The following CYTH1 variants were observed in gnomAD, a reference collection of about 807,000 sequenced individuals.
CYTH1 encodes the protein cytohesin 1, also known as cytohesin-1.
CYTH1 carries 18 observed loss-of-function variants against 61.8 expected under a neutral mutation model. The ratio of observed to expected loss-of-function variants is 0.29; its 90% CI spans 0.20 to 0.43. CYTH1 has a LOEUF of 0.43. CYTH1 is among the 20% of genes least tolerant of loss of function. The pLI is 1.00. For synonymous variants in CYTH1, 174 were observed against 184.3 expected, an observed-to-expected ratio of 0.94 and a Z score of 0.45; for missense variants, 336 against 510.5, an observed-to-expected ratio of 0.66 and a Z score of 3.29.
chr17:78,681,837 CA>C (rs35074589), intron 11 of CYTH1, among the ~76,000 whole-genome samples: 45 of 72,510 alleles, frequency 6.2e-4, no homozygotes, highest in East Asian at 1.4e-3. Flanking sequence ...GACTCTGTCT[CA>C]AAAAAAAAAA....
At chr17:78,692,640 A>C in intron 10 of CYTH1, 147 bp from the exon 11 acceptor site, 2 of 669,808 alleles carry the variant, frequency 3.0e-6, no homozygotes, top group African/African-American at 1.8e-5. Context: ...CATCAGTAAC[A>C]AGACACAGAG....
rs371343880 is a variant in CYTH1 at position 78,700,395 on chromosome 17, G to A, written c.486C>T (p.Asp162=). Reference sequence around the variant, plus strand: ...GCTGGGCAAACGCCTCCATCATCCGGTCGATCTTCTGGGCCTCTCCGGGTA... The same window carrying A: ...GCTGGGCAAACGCCTCCATCATCCGATCGATCTTCTGGGCCTCTCCGGGTA... ...FRLPGEAQKI[D]RMMEAFAQRY... Residue 162 remains aspartate (D), a synonymous_variant, in exon 7 of 14, where the codon GAC becomes GAT. Transcript: ENST00000446868. The surrounding 1 kb of genome is among the most constrained non-coding windows in gnomAD (Gnocchi z 5.1). 5 of 1,613,724 alleles carry A rather than the reference G, an allele frequency of 3.1e-6. No homozygotes were observed. In the East Asian group the frequency reaches 6.7e-5, roughly 22 times the overall value.
In CYTH1 at chr17:78,760,498, C is replaced by CAT. The variant is rs1405292304; in HGVS notation, c.22+21702_22+21703dup. 4.8e-4 allele frequency among the ~76,000 whole-genome samples: 19 copies of CAT among 39,452 alleles called. 3 individuals carry two copies. The highest frequency in any genetic ancestry group is 8.0e-4 in the Non-Finnish European group (18 of 22,522). 25.9% of individuals were successfully genotyped at this position (39,452 alleles called of 152,430 possible). The stretch of plus-strand genomic sequence containing the variant: ...ATATATATGTATGTATATATATATA[C>CAT]ATATATATGTATATATATGTATATA... On this transcript the variant is annotated intron_variant, in intron 1 of 13. Transcript: ENST00000446868.
chr17:78,762,593 G>C (rs1050832183), intron 1 of CYTH1, among the ~76,000 whole-genome samples: 1 of 152,186 alleles, frequency 6.6e-6, no homozygotes, highest in Non-Finnish European at 1.5e-5. Flanking sequence ...CATGGCAAAA[G>C]GGGATTAAGA....
Position 78,763,257 on chromosome 17 carries a change from C to T in CYTH1, c.22+18945G>A, listed in dbSNP as rs138051476. On this transcript the variant is annotated intron_variant, in intron 1 of 13. Coordinates refer to ENST00000446868, the MANE Select transcript of CYTH1 (RefSeq NM_004762.6). ...ACTTGGGAGGCTGAGGCAGGAGAAT[C>T]GCTTAAACCTAGGAGGCAGAGGTTG... 5.9e-3 allele frequency among the ~76,000 whole-genome samples: 884 copies of T among 151,044 alleles called. 39 individuals are homozygous for T. In the East Asian group the frequency reaches 0.11, roughly 19 times the overall value.
chr17:78,697,179 CAG>C (rs1174921148), intron 9 of CYTH1, among the ~76,000 whole-genome samples: 1 of 152,056 alleles, frequency 6.6e-6, no homozygotes, highest in Non-Finnish European at 1.5e-5. Context: ...CCAGATGTGT[CAG>C]TAATGACCAA....
At chr17:78,781,219 T>C (rs1327255875) in intron 1 of CYTH1, among the ~76,000 whole-genome samples, 1 of 151,778 alleles carries the variant, frequency 6.6e-6, no homozygotes, top group Non-Finnish European at 1.5e-5. Context: ...AAACTAGAAT[T>C]GGGTTCCATT....
intron 3 of CYTH1, among the ~76,000 whole-genome samples, chr17:78,703,952 TG>T (rs1316574644): frequency 5.3e-5 from 8 of 152,320 alleles, no homozygotes; most frequent in Admixed American, 3.9e-4. Flanking sequence ...TACCCAGGGG[TG>T]GACACTGCTG....
At position 78,712,122 on chromosome 17, in the gene CYTH1, AAGGG is replaced by A. The variant is rs1598868051; in HGVS notation, c.23-2394_23-2391del. ...GAAGGAAGGAAGGAAGGGAGGAAGG[AAGGG>A]AGGGAGGAAGGAAGGGAAGGAGGAA... is the stretch of plus-strand genomic sequence containing the variant. On this transcript the variant is annotated intron_variant, in intron 1 of 13. Transcript: ENST00000446868. Among the ~76,000 whole-genome samples the A allele has an allele frequency of 2.5e-5, 3 of 121,228 alleles. No homozygotes were observed. The East Asian group carries it at 8.8e-4, about 35-fold the overall frequency. The allele number at this position is 121,228 out of a possible 152,430, so 79.5% of individuals were successfully genotyped here.
At chr17:78,770,670 G>A (rs2093467900) in intron 1 of CYTH1, among the ~76,000 whole-genome samples, 1 of 152,112 alleles carries the variant, frequency 6.6e-6, no homozygotes, top group Admixed American at 6.5e-5. Flanking sequence ...GCCTGCCTCG[G>A]CCTGGGATTA....
chr17:78,761,937 A>C (rs1439680730), intron 1 of CYTH1, among the ~76,000 whole-genome samples: 1 of 152,188 alleles, frequency 6.6e-6, no homozygotes, highest in East Asian at 1.9e-4. Context: ...AATTAAACCA[A>C]ATGAGCCTTT....
chr17:78,742,476 C>T (rs941691247), intron 1 of CYTH1, among the ~76,000 whole-genome samples: 2 of 151,862 alleles, frequency 1.3e-5, no homozygotes, highest in African/African-American at 2.4e-5. Context: ...ACAGGAAGAT[C>T]GCTTGAATCT....
At chr17:78,698,998 C>T (rs780853745) in intron 7 of CYTH1, 30 bp from the exon 8 acceptor site, 31 of 1,603,380 alleles carry the variant, frequency 1.9e-5, no homozygotes, top group East Asian at 2.3e-5. Flanking sequence ...AAAGGGGAGC[C>T]GTTGCATGCT....
chr17:78,735,089 C>T lies in CYTH1; in HGVS notation c.23-25357G>A, dbSNP rs532907235. Among the ~76,000 whole-genome samples the T allele has an allele frequency of 2.7e-3, 418 of 152,244 alleles. 5 individuals carry two copies. The highest frequency in any genetic ancestry group is 4.1e-3 in the Non-Finnish European group (279 of 68,014). ...TCCCAGGTGACAACACAAGGAAATACCATGGGAGGGGGTAAGGGAAGCGAA... is the reference window on the plus strand; with the variant it reads ...TCCCAGGTGACAACACAAGGAAATATCATGGGAGGGGGTAAGGGAAGCGAA... On this transcript the variant is annotated intron_variant, in intron 1 of 13. Transcript: ENST00000446868.
chr17:78,696,506 G>A (rs2092940250), intron 9 of CYTH1, among the ~76,000 whole-genome samples: 1 of 152,186 alleles, frequency 6.6e-6, no homozygotes, highest in Non-Finnish European at 1.5e-5. Flanking sequence ...TGCATACACA[G>A]ACATATACAC....
chr17:78,778,526 T>C (rs2093502736), intron 1 of CYTH1, among the ~76,000 whole-genome samples: 1 of 146,730 alleles, frequency 6.8e-6, no homozygotes. Flanking sequence ...TAATCCCAGC[T>C]ACTTGGGAGG....
chr17:78,730,353 A>G (rs2093286738), intron 1 of CYTH1, among the ~76,000 whole-genome samples: 1 of 133,952 alleles, frequency 7.5e-6, no homozygotes, highest in Non-Finnish European at 1.6e-5. Flanking sequence ...GTGAAACCCC[A>G]TCTCTACTAA....
intron 13 of CYTH1, among the ~76,000 whole-genome samples, chr17:78,678,774 C>T (rs529957831): frequency 1.3e-5 from 2 of 152,298 alleles, no homozygotes; most frequent in African/African-American, 2.4e-5. Context: ...TGCCAAACCC[C>T]ATGCCCACTA....
intron 1 of CYTH1, among the ~76,000 whole-genome samples, chr17:78,712,150 AAGGAAGGG>A (rs1405052494): frequency 2.9e-5 from 2 of 69,658 alleles, no homozygotes; most frequent in African/African-American, 5.6e-5. Flanking sequence ...GGGAAGGAGG[AAGGAAGGG>A]AGGGAGGGAG....
Sources: allele counts gnomAD v4.1 joint callset (sites outside exome capture counted in the v4.1 genomes callset), GRCh38; gene constraint gnomAD v4.1.1; non-coding constraint Gnocchi (gnomAD v3.1); transcripts MANE v1.5; gene names NCBI Gene and HGNC (gene_info 2026-07-23, HGNC 2026-07-21).